DNAH3: variants seen among roughly 807,000 people sequenced by gnomAD.
The protein encoded by DNAH3 is axonemal beta dynein heavy chain 3.
A neutral mutation model predicts 432.5 loss-of-function variants in DNAH3; 332 were observed. The observed-to-expected ratio is 0.77, with a 90% CI of 0.70 to 0.84. The LOEUF is 0.84. DNAH3 is among the 40% of genes least tolerant of loss of function. The pLI is 0.00. For synonymous variants in DNAH3, 1,956 were observed against 1,900.2 expected, an observed-to-expected ratio of 1.03 and a Z score of -0.76; for missense variants, 4,861 against 5,114.0, an observed-to-expected ratio of 0.95 and a Z score of 1.51.
At chr16:21,021,120 T>C (rs961869981) in intron 40 of DNAH3, among the ~76,000 whole-genome samples, 10 of 152,238 alleles carry the variant, frequency 6.6e-5, no homozygotes, top group African/African-American at 2.2e-4. Flanking sequence ...TACATTTTGC[T>C]TATTTGTTCA....
chr16:21,105,032 A>T (rs1164365137), intron 15 of DNAH3, among the ~76,000 whole-genome samples: 1 of 152,212 alleles, frequency 6.6e-6, no homozygotes, highest in Non-Finnish European at 1.5e-5. Flanking sequence ...AATGGCAGTC[A>T]TGGTATCAAA....
intron 2 of DNAH3, among the ~76,000 whole-genome samples, chr16:21,145,657 G>A (rs538826497): frequency 6.6e-6 from 1 of 152,280 alleles, no homozygotes; most frequent in South Asian, 2.1e-4. Context: ...TGACATCTCT[G>A]GTCTTTATTC....
intron 16 of DNAH3, among the ~76,000 whole-genome samples, chr16:21,102,879 T>C (rs1426840414): frequency 2.0e-5 from 2 of 102,362 alleles, no homozygotes. Flanking sequence ...CTATTATTCT[T>C]TTTTTTTTTT....
At chr16:21,153,885 G>C (rs2092880739) in intron 1 of DNAH3, among the ~76,000 whole-genome samples, 1 of 152,064 alleles carries the variant, frequency 6.6e-6, no homozygotes, top group Admixed American at 6.6e-5. Flanking sequence ...CCTCAAAGTT[G>C]GGCTTTCCAT....
intron 1 of DNAH3, among the ~76,000 whole-genome samples, chr16:21,156,186 TTTTATTTTA>T (rs1467860122): frequency 6.8e-6 from 1 of 147,718 alleles, no homozygotes; most frequent in Non-Finnish European, 1.5e-5. Context: ...TTTTATTTTA[TTTTATTTTA>T]TTTTATTTAT....
At chr16:21,107,237 A>G (rs2091968251) in intron 14 of DNAH3, among the ~76,000 whole-genome samples, 1 of 118,684 alleles carries the variant, frequency 8.4e-6, no homozygotes, top group Non-Finnish European at 1.7e-5. Flanking sequence ...TTAATTTTTA[A>G]TCTTTTTTTT....
At chr16:20,971,641 A>G (rs1452722759) in intron 51 of DNAH3, among the ~76,000 whole-genome samples, 1 of 152,050 alleles carries the variant, frequency 6.6e-6, no homozygotes, top group African/African-American at 2.4e-5. Context: ...ATTGCCTGGG[A>G]GTGGGTGTAG....
In DNAH3 at chr16:21,039,962, A is replaced by C; in HGVS notation, c.4639-19T>G. 1.3e-6 allele frequency: 2 copies of C among 1,594,696 alleles called. No individual in the cohort carries two copies. The highest frequency in any genetic ancestry group is 1.7e-6 in the Non-Finnish European group (2 of 1,162,720). The stretch of plus-strand genomic sequence containing the variant: ...ACAAGGCCTGGAAAAGAAACAACAA[A>C]TCAGAATCGGAACACGTGCAGTGAA... On this transcript the variant is annotated intron_variant, in intron 32 of 61. Coordinates refer to ENST00000261383, the Ensembl canonical transcript of DNAH3.
intron 49 of DNAH3, among the ~76,000 whole-genome samples, chr16:20,981,338 T>A (rs1273389965): frequency 6.6e-6 from 1 of 152,168 alleles, no homozygotes; most frequent in Admixed American, 6.6e-5. Context: ...TTAAGGGTCT[T>A]CTGGTCTAGA....
intron 46 of DNAH3, 61 bp downstream of exon 46, chr16:20,987,632 C>T: frequency 6.3e-7 from 1 of 1,593,384 alleles, no homozygotes; most frequent in Non-Finnish European, 8.6e-7. Flanking sequence ...GCTATTACTA[C>T]ATGTTCTATG....
rs541368919 is a variant in DNAH3, at chr16:21,069,573, G to A, written c.3223C>T (p.Arg1075Cys). The A allele has an allele frequency of 6.2e-6, 10 of 1,608,674 alleles. No individual in the cohort carries two copies. The South Asian group carries it at 6.7e-5, about 11-fold the overall frequency. ...CAGGCATCCAAATTGTCTTGTATGC[G>A]AATTAGCTTTTCTTCCCATTTCTGT... The change falls in exon 23 of 62, where the codon CGC becomes TGC. Residue 1075 changes from arginine (R) to cysteine (C), a missense_variant. By Grantham distance (180) the Arg-to-Cys change is radical. Transcript: ENST00000261383.
At chr16:20,998,086 A>C (rs16970812) in intron 43 of DNAH3, among the ~76,000 whole-genome samples, 1,917 of 152,204 alleles carry the variant, frequency 0.013, 31 homozygotes, top group African/African-American at 0.044. Context: ...GTCAAGCAAA[A>C]TAGATTGTCT....
intron 9 of DNAH3, among the ~76,000 whole-genome samples, chr16:21,123,818 C>T (rs1258222458): frequency 1.3e-5 from 2 of 151,688 alleles, no homozygotes; most frequent in Non-Finnish European, 2.9e-5. Context: ...TAGACAGAGT[C>T]TCGCTCTGTC....
At chr16:21,013,353 C>G (rs1213749556) in intron 41 of DNAH3, among the ~76,000 whole-genome samples, 1 of 151,386 alleles carries the variant, frequency 6.6e-6, no homozygotes, top group Non-Finnish European at 1.5e-5. Context: ...CCGGGCAGAT[C>G]CCATCTGTTA....
At chr16:21,015,575 A>C (rs1263134803) in intron 41 of DNAH3, among the ~76,000 whole-genome samples, 1 of 152,168 alleles carries the variant, frequency 6.6e-6, no homozygotes, top group Non-Finnish European at 1.5e-5. Flanking sequence ...ATAATTTAGC[A>C]ATATTGGTTC....
chr16:20,966,031 TTTTTTTTTTTTTTTTTTTTTTTTG>T, intron 52 of DNAH3, among the ~76,000 whole-genome samples: 1 of 91,744 alleles, frequency 1.1e-5, no homozygotes, highest in African/African-American at 4.7e-5. Flanking sequence ...TTTTTTTTTT[TTTTTTTTTTTTTTTTTTTTTTTTG>T]AGATGGAGTC....
intron 6 of DNAH3, 21 bp from the exon 8 acceptor site, chr16:21,134,475 C>T: frequency 2.5e-6 from 4 of 1,607,626 alleles, no homozygotes; most frequent in Non-Finnish European, 2.6e-6. Flanking sequence ...AAAGGGCGAA[C>T]ACCTCATTAT....
At chr16:20,933,411 T>C in exon 62 of DNAH3, 1 of 1,614,156 alleles carries the variant, frequency 6.2e-7, no homozygotes, top group African/African-American at 1.3e-5. Context: ...CCAATCTGCA[T>C]CGTTTTCCTG....
rs1257602728 is a variant in DNAH3 at position 21,003,998 on chromosome 16, A to G, written c.6023-791T>C. On this transcript the variant is annotated intron_variant, in intron 41 of 61. Coordinates refer to ENST00000261383, the Ensembl canonical transcript of DNAH3. ...TACTATTTTAAAATAACTATGTTAAAGTTAATTTTACTTAAATCTAGCAAA... is the reference window on the plus strand; with the variant it reads ...TACTATTTTAAAATAACTATGTTAAGGTTAATTTTACTTAAATCTAGCAAA... 3.9e-5 allele frequency among the ~76,000 whole-genome samples: 6 copies of G among 152,292 alleles called. No homozygotes were observed. The East Asian group carries it at 9.6e-4, about 24-fold the overall frequency.
Sources: allele counts gnomAD v4.1 joint callset (sites outside exome capture counted in the v4.1 genomes callset), GRCh38; gene constraint gnomAD v4.1.1; transcripts MANE v1.5; gene names NCBI Gene and HGNC (gene_info 2026-07-23, HGNC 2026-07-21).